The following MICA variants were observed in gnomAD, a reference collection of about 807,000 sequenced individuals.
The protein encoded by MICA is HLA class I antigen.
In MICA, 18 loss-of-function variants were observed where a neutral mutation model predicts 34.3. The observed-to-expected ratio is 0.52, with a 90% CI of 0.36 to 0.78. The LOEUF (loss-of-function observed/expected upper bound fraction) is 0.78. Among genes scored for constraint, MICA ranks in the 30% least tolerant of loss-of-function variants. The pLI, the probability that MICA is intolerant of heterozygous loss-of-function variation, is 0.00. For missense variants in MICA, 333 were observed against 409.4 expected, an observed-to-expected ratio of 0.81 and a Z score of 1.61; for synonymous variants, 135 against 156.9, an observed-to-expected ratio of 0.86 and a Z score of 1.04.
intron 1 of MICA, among the ~76,000 whole-genome samples, chr6:31,408,645 G>T (rs148814200): frequency 6.6e-6 from 1 of 151,574 alleles, no homozygotes; most frequent in Non-Finnish European, 1.5e-5. Flanking sequence ...ACCACTCTAG[G>T]TACCTCATTT....
intron 1 of MICA, among the ~76,000 whole-genome samples, chr6:31,409,345 T>A (rs568327725): frequency 2.2e-4 from 27 of 120,920 alleles, no homozygotes; most frequent in Admixed American, 1.9e-3. Flanking sequence ...AGGTGTGTGA[T>A]AACAGCCATC....
At chr6:31,407,228 A>G (rs1488937952) in intron 1 of MICA, among the ~76,000 whole-genome samples, 1 of 151,644 alleles carries the variant, frequency 6.6e-6, no homozygotes, top group South Asian at 2.1e-4. Context: ...AATTTTTTGC[A>G]TCAGTGTTTT....
chr6:31,406,900 C>T (rs1207581490), intron 1 of MICA, among the ~76,000 whole-genome samples: 3 of 151,806 alleles, frequency 2.0e-5, no homozygotes, highest in African/African-American at 7.3e-5. Flanking sequence ...TATTCTGTTT[C>T]ATTGGTCTGT....
chr6:31,414,467 C>T (rs1006147957), intron 5 of MICA, among the ~76,000 whole-genome samples: 16 of 152,014 alleles, frequency 1.1e-4, no homozygotes, highest in African/African-American at 2.2e-4. Context: ...GATCCTGTGG[C>T]AGCCACGTCT....
rs767182735 is a variant in MICA, at chr6:31,415,045, C to A, written c.*63C>A. 87 of 1,455,842 alleles carry A rather than the reference C, an allele frequency of 6.0e-5. No individual in the cohort carries two copies. The highest frequency in any genetic ancestry group is 7.4e-5 in the Non-Finnish European group (77 of 1,046,208). The allele number at this position is 1,455,842 out of a possible 1,614,324, so 90.2% of individuals were successfully genotyped here. ...AGCCTGCAGGTCCTGGATCAACACC[C>A]AGTTGGGACGAGTGACCACAGGGAT... On this transcript the variant is annotated 3_prime_UTR_variant, in exon 6 of 6. Transcript: ENST00000449934.
chr6:31,410,997 C>T, intron 2 of MICA, 75 bp from the exon 3 acceptor site: 2 of 1,494,914 alleles, frequency 1.3e-6, no homozygotes, highest in Non-Finnish European at 1.8e-6. Flanking sequence ...AGGCATACCC[C>T]CTGGGCTGAG....
chr6:31,410,509 G>A (rs1771042613), intron 1 of MICA, 34 bp from the exon 2 acceptor site: 1 of 1,601,638 alleles, frequency 6.2e-7, no homozygotes. Context: ...TTACTTCCAG[G>A]AAGAAGTTTC....
chr6:31,413,024 A>T (rs1246633753), intron 5 of MICA, among the ~76,000 whole-genome samples: 2 of 148,084 alleles, frequency 1.4e-5, no homozygotes, highest in African/African-American at 5.1e-5. Context: ...CCCTTTGGAG[A>T]CCCCTTGTAA....
Position 31,415,198 on chromosome 6 carries a change from C to T in MICA, c.*216C>T. On this transcript the variant is annotated 3_prime_UTR_variant, in exon 6 of 6. Transcript: ENST00000449934. ...TGCCTGGATCTCACAAGCACTTTCC[C>T]TCTTGGTGCCTCAGTTTCCTGACCT... 1.4e-6 allele frequency: 1 copy of T among 732,120 alleles called. No individual in the cohort carries two copies. The highest frequency in any genetic ancestry group is 2.4e-6 in the Non-Finnish European group (1 of 410,444). The allele number at this position is 732,120 out of a possible 1,614,324, so 45.4% of individuals were successfully genotyped here. A position where few individuals can be genotyped will look rare whatever the true frequency, so the allele number is the denominator to read the frequency against.
chr6:31,411,950 C>T lies in MICA; in HGVS notation c.617C>T (p.Pro206Leu), dbSNP rs1771179851. 6.2e-7 allele frequency: 1 copy of T among 1,611,484 alleles called. No homozygotes were observed. Among genetic ancestry groups the T allele is most frequent in the African/African-American group, 1.3e-5 (1 of 74,704 alleles). Residue 206 changes from proline to leucine, a missense_variant, in exon 4 of 6, where the codon CCC becomes CTC. Pro to Leu is a moderately conservative substitution (Grantham distance 98, BLOSUM62 -3). Coordinates refer to ENST00000449934, the MANE Select transcript of MICA (RefSeq NM_001177519.3). The surrounding 1 kb of genome is among the most constrained non-coding windows in gnomAD (Gnocchi z 4.3). ...GGCTCTGCCCTTTCTTCTCCAGTGC[C>T]CCCCATGGTGAATGTCACCCGCAGC... is the stretch of plus-strand genomic sequence containing the variant. ...ESGVVLRRTV[P>L]PMVNVTRSEA...
chr6:31,412,051 C>T lies in MICA; in HGVS notation c.718C>T (p.Arg240Cys), dbSNP rs761040624. The T allele has an allele frequency of 1.2e-5, 19 of 1,612,830 alleles. No homozygotes were observed. The highest frequency in any genetic ancestry group is 1.4e-5 in the Non-Finnish European group (17 of 1,179,828). The change falls in exon 4 of 6, where the codon CGT (arginine) becomes TGT (cysteine). Residue 240 changes from arginine to cysteine, a missense_variant. Arg to Cys is a radical substitution (Grantham distance 180). Transcript: ENST00000449934. ...FYPRNIILTW[R>C]QDGVSLSHDT... ...TCCCCGGAATATCATACTGACCTGG[C>T]GTCAGGATGGGGTATCTTTGAGCCA...
In MICA at chr6:31,413,467, C is replaced by T. The variant is rs373225876; in HGVS notation, c.*29+1007C>T. 3.8e-4 allele frequency among the ~76,000 whole-genome samples: 58 copies of T among 152,000 alleles called. 1 individual carries two copies. The South Asian group carries it at 5.8e-3, about 15-fold the overall frequency. On this transcript the variant is annotated intron_variant, in intron 5 of 5. Transcript: ENST00000449934. ...GGGACGGTCAGAATCATTTCCCCTACAGTCAGGTTGTTTGATGGGGGATGA... is the reference window on the plus strand; with the variant it reads ...GGGACGGTCAGAATCATTTCCCCTATAGTCAGGTTGTTTGATGGGGGATGA...
In MICA at chr6:31,411,321, G is replaced by A. The variant is rs781330960; in HGVS notation, c.575G>A (p.Arg192Gln). 52 of 1,594,016 alleles carry A rather than the reference G, an allele frequency of 3.3e-5. No homozygotes were observed. Among genetic ancestry groups the A allele is most frequent in the South Asian group, 1.1e-5 (1 of 88,188 alleles). Residue 192 changes from arginine to glutamine, a missense_variant, in exon 3 of 6, where the codon CGG becomes CAG. Physicochemically the swap from Arg to Gln is conservative, Grantham distance 43 (BLOSUM62 1). Coordinates refer to ENST00000449934, the MANE Select transcript of MICA (RefSeq NM_001177519.3). The surrounding 1 kb of genome is among the most constrained non-coding windows in gnomAD (Gnocchi z 4.3). ...CATGCAGACTGCCTGCAGGAACTAC[G>A]GCGATATCTAGAATCCGGCGTAGTC... ...AMHADCLQEL[R>Q]RYLESGVVLR... is the part of the protein sequence containing the mutation.
rs200525083 is a variant in MICA at position 31,408,986 on chromosome 6, CAA to C, written c.71-1556_71-1555del. Among the ~76,000 whole-genome samples the C allele has an allele frequency of 3.0e-3, 438 of 146,716 alleles. 16 individuals are homozygous for C. In the East Asian group the frequency reaches 0.053, roughly 18 times the overall value. On this transcript the variant is annotated intron_variant, in intron 1 of 5. Coordinates refer to ENST00000449934, the MANE Select transcript of MICA (RefSeq NM_001177519.3). ...GGCCACTGCACTCCAGCCTGGGCAA[CAA>C]GAGTGAAATTCCATCTCCAAAAAAA... is the stretch of plus-strand genomic sequence containing the variant.
rs1389545773 is a variant in MICA, at chr6:31,412,510, G to A, written c.*29+50G>A. The A allele has an allele frequency of 1.7e-6, 2 of 1,183,264 alleles. 1 individual carries two copies. Among genetic ancestry groups the A allele is most frequent in the African/African-American group, 3.1e-5 (2 of 63,792 alleles). The allele number at this position is 1,183,264 out of a possible 1,614,324, so 73.3% of individuals were successfully genotyped here. A position where few individuals can be genotyped will look rare whatever the true frequency, so the allele number is the denominator to read the frequency against. On this transcript the variant is annotated intron_variant, in intron 5 of 5. Coordinates refer to ENST00000449934, the MANE Select transcript of MICA (RefSeq NM_001177519.3). ...AGATGGTAAGGCCCCTGTCTGGGCA[G>A]TAGGGTCCCCTCATTGCTCCTGCAA...
chr6:31,413,715 G>A (rs2256317), intron 5 of MICA, among the ~76,000 whole-genome samples: 25,480 of 151,764 alleles, frequency 0.17, 2,599 homozygotes, highest in South Asian at 0.26. Flanking sequence ...CCCACAACAG[G>A]GGCAGTGCAG....
Position 31,415,148 on chromosome 6 carries a change from G to T in MICA, c.*166G>T, listed in dbSNP as rs760756690. On this transcript the variant is annotated 3_prime_UTR_variant, in exon 6 of 6. Coordinates refer to ENST00000449934, the MANE Select transcript of MICA (RefSeq NM_001177519.3). The stretch of plus-strand genomic sequence containing the variant: ...CCACTGAGGGCACCTAGACTCTACA[G>T]CCAGGCGGCTGGAATTGAATTCCCT... The T allele has an allele frequency of 1.6e-5, 16 of 996,514 alleles. No individual in the cohort carries two copies. In the Admixed American group the frequency reaches 1.8e-4, roughly 11 times the overall value. 61.7% of individuals were successfully genotyped at this position (996,514 alleles called of 1,614,324 possible). A position where few individuals can be genotyped will look rare whatever the true frequency, so the allele number is the denominator to read the frequency against.
At chr6:31,407,186 G>T (rs1206833294) in intron 1 of MICA, among the ~76,000 whole-genome samples, 2 of 151,862 alleles carry the variant, frequency 1.3e-5, no homozygotes, top group Non-Finnish European at 2.9e-5. Flanking sequence ...ATCCATGAAC[G>T]TGGACTATCT....
chr6:31,409,716 T>G (rs969660993), intron 1 of MICA, among the ~76,000 whole-genome samples: 2 of 151,926 alleles, frequency 1.3e-5, no homozygotes, highest in Non-Finnish European at 2.9e-5. Context: ...CCCCAATGTT[T>G]GCTTCTAAGA....
Sources: gnomAD v4.1 joint callset for allele counts (sites outside exome capture counted in the v4.1 genomes callset) on GRCh38, gnomAD v4.1.1 for gene constraint, Gnocchi (gnomAD v3.1) non-coding constraint, MANE v1.5 for transcripts, NCBI Gene and HGNC (gene_info 2026-07-23, HGNC 2026-07-21) for gene names.